The following COL6A1 variants were observed in gnomAD, a reference collection of about 807,000 sequenced individuals.
COL6A1 encodes collagen type VI alpha 1 chain.
Under a neutral mutation model 145.6 loss-of-function variants are expected in COL6A1, and 80 were observed. The observed-to-expected ratio is 0.55, with a 90% CI of 0.46 to 0.66. The LOEUF is 0.66. Among genes scored for constraint, COL6A1 ranks in the 30% least tolerant of loss-of-function variants. The probability of loss-of-function intolerance (pLI) is 0.00; values close to 1 mark genes in which losing one functional copy is unlikely to be tolerated. For synonymous variants in COL6A1, 638 were observed against 622.8 expected (o/e 1.02, Z -0.36); for missense variants, 1,364 against 1,473.8 (o/e 0.93, Z 1.22).
chr21:45,985,036 A>G, intron 3 of COL6A1, among the ~76,000 whole-genome samples: 1 of 152,116 alleles, frequency 6.6e-6, no homozygotes, highest in Non-Finnish European at 1.5e-5. Context: ...AGAGAAGCAG[A>G]GACAGAGAAA....
rs200659458 is a variant in COL6A1, at chr21:45,999,137, C to T, written c.1675-16C>T. 4.3e-4 allele frequency: 685 copies of T among 1,586,446 alleles called. 1 individual carries two copies. The highest frequency in any genetic ancestry group is 5.3e-4 in the Non-Finnish European group (618 of 1,166,930). On this transcript the variant is annotated splice_polypyrimidine_tract_variant and intron_variant, in intron 25 of 34. Coordinates refer to ENST00000361866, the MANE Select transcript of COL6A1 (RefSeq NM_001848.3). ...GGTGGTGCACGGTCTGTTGACACAA[C>T]GCTGTTCCCTTCTAGAACAACGACA...
chr21:46,003,579 C>T lies in COL6A1; in HGVS notation c.2653C>T (p.Arg885Cys), dbSNP rs746298580. The T allele has an allele frequency of 6.2e-5, 100 of 1,612,586 alleles. No individual in the cohort carries two copies. The highest frequency in any genetic ancestry group is 3.5e-4 in the Admixed American group (21 of 59,990). The change falls in exon 35 of 35, where the codon CGC becomes TGC. Residue 885 changes from arginine to cysteine, a missense_variant. Arg to Cys is a radical substitution (Grantham distance 180). This residue lies in a region of COL6A1 where 938 missense variants were observed against 1,003.8 expected (regional missense o/e 0.93). Coordinates refer to ENST00000361866, the MANE Select transcript of COL6A1 (RefSeq NM_001848.3). ...GCAGTACAGCGGCACGGGCCAGCAG[C>T]GCCCAGAGCGGGCGTCGCTGCAGTT... is the stretch of plus-strand genomic sequence containing the variant. ...VVQYSGTGQQ[R>C]PERASLQFLQ...
chr21:46,003,715 C>G lies in COL6A1; in HGVS notation c.2789C>G (p.Ala930Gly). Residue 930 changes from alanine to glycine, a missense_variant, in exon 35 of 35, where the codon GCC (alanine) becomes GGC (glycine). Around this residue, in one of 3 missense-constraint regions of COL6A1, gnomAD observed 938 missense variants for 1,003.8 expected, o/e 0.93. Coordinates refer to ENST00000361866, the MANE Select transcript of COL6A1 (RefSeq NM_001848.3). ...LGYVTRFYRE[A>G]SSGAAKKRLL... Reference sequence around the variant, plus strand: ...TATGTGACCCGCTTCTACCGCGAGGCCTCGTCCGGCGCTGCCAAGAAGAGG... The same window carrying G: ...TATGTGACCCGCTTCTACCGCGAGGGCTCGTCCGGCGCTGCCAAGAAGAGG... 1 of 1,613,040 alleles carries G rather than the reference C, an allele frequency of 6.2e-7. No homozygotes were observed. Among genetic ancestry groups the G allele is most frequent in the East Asian group, 2.2e-5 (1 of 44,876 alleles).
Position 46,004,776 on chromosome 21 carries a change from C to T in COL6A1, c.*763C>T, listed in dbSNP as rs746209525. ...AGAGTACTCGCAGGGGCGCTGGCTG[C>T]ACTCAAGACCCTCGAGATTAACGGT... On this transcript the variant is annotated 3_prime_UTR_variant, in exon 35 of 35. Transcript: ENST00000361866. 42 of 417,952 alleles carry T rather than the reference C, an allele frequency of 1.0e-4. 1 individual carries two copies. The highest frequency in any genetic ancestry group is 7.0e-4 in the South Asian group (41 of 58,940). The allele number at this position is 417,952 out of a possible 1,614,324, so 25.9% of individuals were successfully genotyped here.
At chr21:46,001,836 C>T (rs979883405) in intron 30 of COL6A1, 125 bp from the exon 31 acceptor site, 1 of 792,136 alleles carries the variant, frequency 1.3e-6, no homozygotes. Context: ...CGCAGGGGAC[C>T]CAGGTCCTGA....
chr21:45,987,572 G>A, intron 7 of COL6A1, 38 bp from the exon 8 acceptor site: 1 of 1,612,734 alleles, frequency 6.2e-7, no homozygotes, highest in Non-Finnish European at 8.5e-7. Context: ...GGGAACCTGA[G>A]TCTGGGGTCC....
rs977694161 is a variant in COL6A1, at chr21:46,004,225, C to T, written c.*212C>T. On this transcript the variant is annotated 3_prime_UTR_variant, in exon 35 of 35. Transcript: ENST00000361866. ...TGAGTTGGCATCACCTGCGCAGGGC[C>T]CTCTGGGGCTCAGCCCTGAGCTAGT... is the stretch of plus-strand genomic sequence containing the variant. 3.1e-6 allele frequency: 2 copies of T among 644,734 alleles called. No homozygotes were observed. Among genetic ancestry groups the T allele is most frequent in the Middle Eastern group, 4.2e-4 (1 of 2,360 alleles). The allele number at this position is 644,734 out of a possible 1,614,324, so 39.9% of individuals were successfully genotyped here.
Position 46,002,729 on chromosome 21 carries a change from G to T in COL6A1, c.2434+19G>T. On this transcript the variant is annotated intron_variant, in intron 33 of 34. Coordinates refer to ENST00000361866, the MANE Select transcript of COL6A1 (RefSeq NM_001848.3). Reference sequence around the variant, plus strand: ...TGCATAGGTGCGCATGGGGCCACCCGGGCAGTCCCAGATCTGCGTAGGTGC... The same window carrying T: ...TGCATAGGTGCGCATGGGGCCACCCTGGCAGTCCCAGATCTGCGTAGGTGC... 1 of 1,562,804 alleles carries T rather than the reference G, an allele frequency of 6.4e-7. No individual in the cohort carries two copies. The highest frequency in any genetic ancestry group is 8.7e-7 in the Non-Finnish European group (1 of 1,146,808).
At chr21:46,000,651 AGGAGG>A in intron 28 of COL6A1, 103 bp from the exon 29 acceptor site, 1 of 1,573,850 alleles carries the variant, frequency 6.4e-7, no homozygotes, top group South Asian at 1.1e-5. Context: ...AGGCCGGGGA[AGGAGG>A]GCGGCCGGGG....
chr21:45,989,913 G>A (rs781530231), intron 11 of COL6A1, 135 bp downstream of exon 11: 189 of 1,197,960 alleles, frequency 1.6e-4, no homozygotes, highest in Non-Finnish European at 2.1e-4. Context: ...ACCGCCCCTC[G>A]CCGTCCCCTC....
intron 34 of COL6A1, 30 bp from the exon 35 acceptor site, chr21:46,003,361 A>C (rs2077860144): frequency 6.3e-7 from 1 of 1,599,952 alleles, no homozygotes; most frequent in Admixed American, 1.7e-5. Context: ...CCAGGGCCTC[A>C]TGCTAACGGC....
rs1172081421 is a variant in COL6A1 at position 45,998,440 on chromosome 21, A to G, written c.1611+7A>G. 3 of 1,613,120 alleles carry G rather than the reference A, an allele frequency of 1.9e-6. No homozygotes were observed. Among genetic ancestry groups the G allele is most frequent in the Non-Finnish European group, 2.5e-6 (3 of 1,179,986 alleles). ...GGGCGCTCCCGGGATAAACGTGAGT[A>G]CGCCCCCTCCTCCATCTGGCTGTGG... On this transcript the variant is annotated splice_region_variant and intron_variant, in intron 24 of 34. Transcript: ENST00000361866.
intron 29 of COL6A1, 52 bp downstream of exon 29, chr21:46,000,819 C>T (rs770471382): frequency 1.1e-5 from 17 of 1,607,278 alleles, no homozygotes; most frequent in Non-Finnish European, 1.4e-5. Context: ...GGTCGGGGAG[C>T]GAGGCCTGGG....
At chr21:45,997,676 C>T in intron 21 of COL6A1, 24 bp from the exon 22 acceptor site, 1 of 1,576,070 alleles carries the variant, frequency 6.3e-7, no homozygotes, top group East Asian at 2.3e-5. Context: ...GCCTGCTCCC[C>T]TCACGCCTCC....
chr21:46,001,863 C>A, intron 30 of COL6A1, 98 bp from the exon 31 acceptor site: 1 of 1,060,220 alleles, frequency 9.4e-7, no homozygotes, highest in Non-Finnish European at 1.4e-6. Context: ...GGGGGCCATG[C>A]CACCCTCTGG....
In COL6A1 at chr21:45,988,567, G is replaced by C. The variant is rs139444102; in HGVS notation, c.805-517G>C. Among the ~76,000 whole-genome samples, 26 of 152,232 alleles carry C rather than the reference G, an allele frequency of 1.7e-4. No individual in the cohort carries two copies. In the East Asian group the frequency reaches 4.8e-3, roughly 28 times the overall value. On this transcript the variant is annotated intron_variant, in intron 8 of 34. Transcript: ENST00000361866. ...GCTGGGGGCTTCTGAGGGTGTCTCTGTCCGCCCTGCCCTCAGCCGCACTCT... is the reference window on the plus strand; with the variant it reads ...GCTGGGGGCTTCTGAGGGTGTCTCTCTCCGCCCTGCCCTCAGCCGCACTCT...
chr21:46,002,582 T>A lies in COL6A1; in HGVS notation c.2306T>A (p.Leu769His). 6.2e-7 allele frequency: 1 copy of A among 1,614,096 alleles called. No homozygotes were observed. ...GACTTCATCCCAGGCTCAGACCAGC[T>A]CAATGTCATTTCTTGCCAAGGCCTG... is the stretch of plus-strand genomic sequence containing the variant. ...VFDFIPGSDQLNVISCQGLAP... is the reference protein window; with the variant it reads ...VFDFIPGSDQHNVISCQGLAP... The change falls in exon 33 of 35, where the codon CTC becomes CAC. Residue 769 changes from leucine to histidine, a missense_variant. Around this residue, in one of 3 missense-constraint regions of COL6A1, gnomAD observed 938 missense variants for 1,003.8 expected, o/e 0.93. Transcript: ENST00000361866.
At position 46,002,296 on chromosome 21, in the gene COL6A1, G is replaced by T. The variant is rs1016941770; in HGVS notation, c.2145G>T (p.Leu715=). ...TGCAGTACACGCGGGACCAGCTGCT[G>T]CCGCCCAGCCCGAACAACCGCATCG... is the stretch of plus-strand genomic sequence containing the variant. ...EALQYTRDQL[L]PPSPNNRIAL... The change falls in exon 32 of 35, where the codon CTG becomes CTT. Residue 715 remains leucine (L), a synonymous_variant. Coordinates refer to ENST00000361866, the MANE Select transcript of COL6A1 (RefSeq NM_001848.3). 4.4e-6 allele frequency: 7 copies of T among 1,593,936 alleles called. No individual in the cohort carries two copies. The African/African-American group carries it at 8.0e-5, about 18-fold the overall frequency.
At chr21:45,982,143 A>G (rs993619799) in intron 1 of COL6A1, among the ~76,000 whole-genome samples, 196 bp downstream of exon 1, 1 of 151,872 alleles carries the variant, frequency 6.6e-6, no homozygotes, top group African/African-American at 2.4e-5. Flanking sequence ...CTAGAGGCTC[A>G]GCATTCAGCA....
Sources: allele counts gnomAD v4.1 joint callset (sites outside exome capture counted in the v4.1 genomes callset), GRCh38; gene constraint gnomAD v4.1.1; regional missense constraint gnomAD v4.1.1; transcripts MANE v1.5; gene names NCBI Gene and HGNC (gene_info 2026-07-23, HGNC 2026-07-21).